Variants in PKP4 observed in about 807,000 individuals in gnomAD.
The protein encoded by PKP4 is plakophilin 4.
Under a neutral mutation model 145.1 loss-of-function variants are expected in PKP4, and 90 were observed. The observed-to-expected ratio is 0.62, with a 90% CI of 0.52 to 0.74. The LOEUF (loss-of-function observed/expected upper bound fraction) is 0.74. Ranked by LOEUF, PKP4 falls within the 30% of genes least tolerant of loss-of-function variation. PKP4 has a pLI of 0.00. For missense variants in PKP4, 1,340 were observed against 1,482.7 expected, an observed-to-expected ratio of 0.90 and a Z score of 1.58; for synonymous variants, 563 against 577.2, an observed-to-expected ratio of 0.98 and a Z score of 0.35.
chr2:158,532,111 A>T (rs1191766590), intron 1 of PKP4, among the ~76,000 whole-genome samples: 1 of 152,234 alleles, frequency 6.6e-6, no homozygotes, highest in African/African-American at 2.4e-5. Flanking sequence ...GGAATGGGGT[A>T]ACAAGTCCCA....
In PKP4 at chr2:158,468,373, T is replaced by G. The variant is rs186484824; in HGVS notation, c.-6+11155T>G. On this transcript the variant is annotated intron_variant, in intron 1 of 21. Coordinates refer to ENST00000389759, the MANE Select transcript of PKP4 (RefSeq NM_003628.6). ...AGTACTTCCCATAAGTTTACCTTAT[T>G]TTTTAGGAAAACCCCATTGATTTTA... Among the ~76,000 whole-genome samples, 882 of 152,322 alleles carry G rather than the reference T, an allele frequency of 5.8e-3. 12 individuals are homozygous for G. The highest frequency in any genetic ancestry group is 0.02 in the African/African-American group (842 of 41,578).
intron 1 of PKP4, chr2:158,458,106 C>A (rs1689139220): frequency 6.5e-6 from 1 of 152,744 alleles, no homozygotes; most frequent in South Asian, 2.1e-4. Flanking sequence ...GCGGCCGTGG[C>A]CGCTCGGGGC....
chr2:158,663,587 A>C (rs927890986), intron 15 of PKP4, 142 bp downstream of exon 15: 4 of 650,518 alleles, frequency 6.1e-6, no homozygotes, highest in African/African-American at 1.8e-5. Context: ...GAAGGGGTTA[A>C]AGGGAAAAAA....
At chr2:158,614,013 C>A (rs1228892112) in intron 4 of PKP4, among the ~76,000 whole-genome samples, 1 of 152,178 alleles carries the variant, frequency 6.6e-6, no homozygotes, top group East Asian at 1.9e-4. Context: ...CAAATGCAAT[C>A]AGGAAACCTT....
chr2:158,467,688 A>T (rs995483406), intron 1 of PKP4, among the ~76,000 whole-genome samples: 6 of 152,242 alleles, frequency 3.9e-5, no homozygotes, highest in Admixed American at 2.6e-4. Context: ...TCTAAAAAAA[A>T]TTTTAAAAAT....
intron 1 of PKP4, among the ~76,000 whole-genome samples, chr2:158,516,978 A>C (rs531715523): frequency 6.6e-6 from 1 of 152,228 alleles, no homozygotes; most frequent in South Asian, 2.1e-4. Flanking sequence ...CTTATTTTTT[A>C]ATAGACCTTA....
chr2:158,457,831 C>G (rs1328722071), intron 1 of PKP4: 1 of 153,428 alleles, frequency 6.5e-6, no homozygotes, highest in Non-Finnish European at 1.4e-5. Context: ...CTCTACCGGC[C>G]GCGGATCCTC....
chr2:158,464,866 A>G (rs551989911), intron 1 of PKP4, among the ~76,000 whole-genome samples: 1 of 152,368 alleles, frequency 6.6e-6, no homozygotes, highest in East Asian at 1.9e-4. Flanking sequence ...GACAATTAGT[A>G]CTTTAGATAT....
chr2:158,597,542 G>T (rs1224962032), intron 3 of PKP4, among the ~76,000 whole-genome samples: 1 of 152,082 alleles, frequency 6.6e-6, no homozygotes, highest in African/African-American at 2.4e-5. Context: ...AAAGGAGGAG[G>T]TGACCAACTC....
chr2:158,459,343 A>C (rs920925847), intron 1 of PKP4, among the ~76,000 whole-genome samples: 1 of 152,214 alleles, frequency 6.6e-6, no homozygotes, highest in African/African-American at 2.4e-5. Flanking sequence ...TGGTTATTTT[A>C]TGTCAGATTC....
At chr2:158,499,610 TG>T (rs1232030275) in intron 1 of PKP4, among the ~76,000 whole-genome samples, 7 of 152,142 alleles carry the variant, frequency 4.6e-5, no homozygotes, top group Non-Finnish European at 1.0e-4. Context: ...CACATATTTG[TG>T]TGAGTGGCCA....
At position 158,580,757 on chromosome 2, in the gene PKP4, C is replaced by G. The variant is rs192054433; in HGVS notation, c.245+3374C>G. Among the ~76,000 whole-genome samples the G allele has an allele frequency of 8.0e-4, 122 of 152,276 alleles. 1 individual carries two copies. The highest frequency in any genetic ancestry group is 6.9e-3 in the Admixed American group (105 of 15,304). On this transcript the variant is annotated intron_variant, in intron 3 of 21. Coordinates refer to ENST00000389759, the MANE Select transcript of PKP4 (RefSeq NM_003628.6). ...AGCTGTGGTTGGAATGGTAATTGAT[C>G]TACTTGGATTGCCCTACTTTCTTCT... is the stretch of plus-strand genomic sequence containing the variant.
intron 1 of PKP4, among the ~76,000 whole-genome samples, chr2:158,521,501 G>A (rs185150957): frequency 1.4e-4 from 21 of 152,244 alleles, no homozygotes; most frequent in African/African-American, 5.1e-4. Flanking sequence ...TTGGCACAGA[G>A]CTCTCTTCTA....
chr2:158,499,693 G>A (rs1458981318), intron 1 of PKP4, among the ~76,000 whole-genome samples: 2 of 152,140 alleles, frequency 1.3e-5, no homozygotes, highest in African/African-American at 4.8e-5. Context: ...CGTGTTCTAA[G>A]TCATGCCATT....
intron 1 of PKP4, among the ~76,000 whole-genome samples, chr2:158,490,445 C>T (rs895154661): frequency 1.3e-5 from 2 of 151,544 alleles, no homozygotes; most frequent in African/African-American, 4.9e-5. Flanking sequence ...TAAGTAAAGT[C>T]GATGAATTTT....
chr2:158,555,159 T>C (rs556394798), intron 2 of PKP4, among the ~76,000 whole-genome samples: 1 of 152,352 alleles, frequency 6.6e-6, no homozygotes, highest in South Asian at 2.1e-4. Context: ...AAAAATGATC[T>C]GTACCAATCC....
intron 7 of PKP4, among the ~76,000 whole-genome samples, chr2:158,627,498 A>AT (rs1228402837): frequency 6.6e-6 from 1 of 151,984 alleles, no homozygotes; most frequent in Non-Finnish European, 1.5e-5. Flanking sequence ...CCTCTCAGTG[A>AT]TTTTTTTCTA....
At chr2:158,589,272 G>T (rs759528300) in intron 3 of PKP4, among the ~76,000 whole-genome samples, 3 of 152,084 alleles carry the variant, frequency 2.0e-5, no homozygotes, top group Non-Finnish European at 4.4e-5. Flanking sequence ...GTTTTGCTTT[G>T]ATTTGGTTTT....
chr2:158,502,610 C>G (rs1004233863), intron 1 of PKP4, among the ~76,000 whole-genome samples: 4 of 152,206 alleles, frequency 2.6e-5, no homozygotes, highest in African/African-American at 9.7e-5. Context: ...GTTGAAATCT[C>G]TGCTACCACC....
Sources: allele counts gnomAD v4.1 joint callset (sites outside exome capture counted in the v4.1 genomes callset), GRCh38; gene constraint gnomAD v4.1.1; transcripts MANE v1.5; gene names NCBI Gene and HGNC (gene_info 2026-07-23, HGNC 2026-07-21).